The following WDR72 variants were observed in gnomAD, a reference collection of about 807,000 sequenced individuals.
WDR72 encodes WD repeat domain 72.
In WDR72, 120 loss-of-function variants were observed where a neutral mutation model predicts 124.2. The observed-to-expected ratio is 0.97, with a 90% CI of 0.83 to 1.12. The LOEUF is 1.12. Among genes scored for constraint, WDR72 ranks in the 50% most tolerant of loss-of-function variants. The pLI, the probability that WDR72 is intolerant of heterozygous loss-of-function variation, is 0.00. For missense variants in WDR72, 1,387 were observed against 1,278.8 expected, an observed-to-expected ratio of 1.08 and a Z score of -1.29; for synonymous variants, 452 against 441.7, an observed-to-expected ratio of 1.02 and a Z score of -0.29.
chr15:53,523,483 T>C (rs190962898), intron 18 of WDR72, among the ~76,000 whole-genome samples, 161 bp from the exon 19 acceptor site: 129 of 152,212 alleles, frequency 8.5e-4, no homozygotes, highest in African/African-American at 3.0e-3. Context: ...CCTCTAAGTA[T>C]TTATTGGCAG....
chr15:53,632,942 G>GA (rs761411223), intron 14 of WDR72, among the ~76,000 whole-genome samples: 91 of 152,236 alleles, frequency 6.0e-4, no homozygotes, highest in Non-Finnish European at 1.1e-3. Flanking sequence ...TGAAAGGGAA[G>GA]AGCCTTGTCT....
In WDR72 at chr15:53,563,372, G is replaced by A. The variant is rs945113023; in HGVS notation, c.3148+33707C>T. On this transcript the variant is annotated intron_variant, in intron 18 of 19. Transcript: ENST00000360509. ...GAAACTAATTTCATCTTTCACTTAC[G>A]ACTTCAGTGACATGTACTTCATTTG... is the stretch of plus-strand genomic sequence containing the variant. Among the ~76,000 whole-genome samples the A allele has an allele frequency of 7.9e-5, 12 of 151,792 alleles. 1 individual carries two copies. Among genetic ancestry groups the A allele is most frequent in the Admixed American group, 6.6e-4 (10 of 15,186 alleles).
intron 6 of WDR72, among the ~76,000 whole-genome samples, chr15:53,713,500 G>C (rs2017613809): frequency 7.2e-6 from 1 of 139,008 alleles, no homozygotes; most frequent in Non-Finnish European, 1.6e-5. Context: ...GCCAAGGATG[G>C]AGTGCAGTGG....
chr15:53,677,802 G>GT (rs1326445045), intron 13 of WDR72, among the ~76,000 whole-genome samples: 23 of 152,046 alleles, frequency 1.5e-4, no homozygotes, highest in African/African-American at 4.8e-4. Context: ...ATAAAATATT[G>GT]TTTTCTCATC....
chr15:53,653,805 A>G (rs1474428511), intron 14 of WDR72, among the ~76,000 whole-genome samples: 1 of 152,212 alleles, frequency 6.6e-6, no homozygotes, highest in Non-Finnish European at 1.5e-5. Flanking sequence ...CCTGCCCCAC[A>G]TGATAAGTGT....
chr15:53,670,773 A>G (rs940629724), intron 13 of WDR72, among the ~76,000 whole-genome samples: 1 of 152,220 alleles, frequency 6.6e-6, no homozygotes, highest in Non-Finnish European at 1.5e-5. Context: ...TTCGGCACAC[A>G]GTGAATGCTG....
intron 6 of WDR72, among the ~76,000 whole-genome samples, chr15:53,713,925 C>T (rs917251689): frequency 2.0e-5 from 3 of 152,242 alleles, no homozygotes; most frequent in Admixed American, 6.5e-5. Flanking sequence ...CCTAAAAAGA[C>T]CCCAGAACTC....
chr15:53,598,432 G>T (rs1378022527), intron 17 of WDR72, among the ~76,000 whole-genome samples: 2 of 151,864 alleles, frequency 1.3e-5, no homozygotes, highest in Non-Finnish European at 1.5e-5. Flanking sequence ...CGAGAGTGGT[G>T]ACCTAGAGAT....
At chr15:53,711,064 T>C in intron 8 of WDR72, 111 bp from the exon 9 acceptor site, 2 of 996,178 alleles carry the variant, frequency 2.0e-6, no homozygotes, top group Non-Finnish European at 3.0e-6. Context: ...TTCTAAACTC[T>C]AGTTAGAAAT....
chr15:53,762,750 T>C (rs140824669), upstream of WDR72: 1 of 152,232 alleles, frequency 6.6e-6, no homozygotes, highest in Non-Finnish European at 1.5e-5. Flanking sequence ...GCTAGCTTAG[T>C]GGTCTTAGAG....
chr15:53,533,061 G>A (rs140730486), intron 18 of WDR72, among the ~76,000 whole-genome samples: 78 of 152,164 alleles, frequency 5.1e-4, no homozygotes, highest in African/African-American at 1.5e-3. Context: ...TGGTGCTTTC[G>A]GAAGGAGACG....
At position 53,722,916 on chromosome 15, in the gene WDR72, T is replaced by C; in HGVS notation, c.154-8A>G. 9 of 1,610,552 alleles carry C rather than the reference T, an allele frequency of 5.6e-6. No homozygotes were observed. The highest frequency in any genetic ancestry group is 7.6e-6 in the Non-Finnish European group (9 of 1,176,860). On this transcript the variant is annotated splice_polypyrimidine_tract_variant and splice_region_variant and intron_variant, in intron 2 of 19. Coordinates refer to ENST00000360509, the MANE Select transcript of WDR72 (RefSeq NM_182758.4). ...GAGTTCTTTCGCTGAAATCTGAAAA[T>C]AATGAGAGTGAGCTTTTAAATAATT...
intron 14 of WDR72, among the ~76,000 whole-genome samples, chr15:53,624,199 G>A (rs2014118063): frequency 6.6e-6 from 1 of 152,144 alleles, no homozygotes; most frequent in African/African-American, 2.4e-5. Context: ...GTAGAATACG[G>A]GAAGGTAGAG....
At chr15:53,711,223 T>A in intron 8 of WDR72, 113 bp downstream of exon 8, 4 of 1,496,128 alleles carry the variant, frequency 2.7e-6, no homozygotes, top group Non-Finnish European at 3.7e-6. Context: ...GTGCCAAAGT[T>A]GTTTTGTTCT....
chr15:53,737,378 A>G (rs945114906), intron 1 of WDR72, among the ~76,000 whole-genome samples: 1 of 152,254 alleles, frequency 6.6e-6, no homozygotes, highest in African/African-American at 2.4e-5. Flanking sequence ...GCTAGTTAAA[A>G]GACAAAAATT....
At chr15:53,722,623 A>T (rs987356956) in intron 3 of WDR72, among the ~76,000 whole-genome samples, 179 bp downstream of exon 3, 7 of 152,170 alleles carry the variant, frequency 4.6e-5, no homozygotes, top group African/African-American at 1.7e-4. Context: ...CATAATACTG[A>T]TTACATTCCT....
intron 18 of WDR72, among the ~76,000 whole-genome samples, chr15:53,534,258 T>C (rs1010303773): frequency 6.6e-6 from 1 of 152,136 alleles, no homozygotes; most frequent in Non-Finnish European, 1.5e-5. Context: ...AAGTCTACTT[T>C]ATTTGCACTG....
chr15:53,624,125 C>G (rs1248626007), intron 14 of WDR72, among the ~76,000 whole-genome samples: 1 of 151,910 alleles, frequency 6.6e-6, no homozygotes, highest in Non-Finnish European at 1.5e-5. Flanking sequence ...GAAGTGATGG[C>G]TAGAAGAAGG....
At chr15:53,647,759 ATTGT>A (rs1238108450) in intron 14 of WDR72, among the ~76,000 whole-genome samples, 2 of 152,124 alleles carry the variant, frequency 1.3e-5, no homozygotes, top group African/African-American at 4.8e-5. Context: ...GATTTGGGAC[ATTGT>A]TTGTTACTAG....
Sources: allele counts gnomAD v4.1 joint callset (sites outside exome capture counted in the v4.1 genomes callset), GRCh38; gene constraint gnomAD v4.1.1; transcripts MANE v1.5; gene names NCBI Gene and HGNC (gene_info 2026-07-23, HGNC 2026-07-21).